EBF1: variants seen among roughly 807,000 people sequenced by gnomAD.
The protein encoded by EBF1 is EBF transcription factor 1.
A neutral mutation model predicts 68.4 loss-of-function variants in EBF1; 10 were observed. That is an observed-to-expected ratio of 0.15 (90% confidence interval 0.09 to 0.25). EBF1 has a LOEUF of 0.25. Ranked by LOEUF, EBF1 falls within the 10% of genes least tolerant of loss-of-function variation. The pLI is 1.00. For synonymous variants in EBF1, 298 were observed against 299.8 expected, an observed-to-expected ratio of 0.99 and a Z score of 0.06; for missense variants, 509 against 794.4, an observed-to-expected ratio of 0.64 and a Z score of 4.32.
chr5:159,046,816 G>A (rs780166135), intron 6 of EBF1, among the ~76,000 whole-genome samples: 1 of 152,190 alleles, frequency 6.6e-6, no homozygotes, highest in Non-Finnish European at 1.5e-5. Context: ...CGGCTCTGTA[G>A]TGTTTGCCAA....
rs1756221294 is a variant in EBF1, at chr5:158,699,139, A to G, written c.1748T>C (p.Ile583Thr). The change falls in exon 16 of 16, where the codon ATA becomes ACA. Residue 583 changes from isoleucine (I) to threonine (T), a missense_variant. Coordinates refer to ENST00000313708, the MANE Select transcript of EBF1 (RefSeq NM_024007.5). ...CATAGGAGGAACAATCATGCCAGAT[A>G]TCGCTATGAAAGAAAAGACAGAAGT... is the stretch of plus-strand genomic sequence containing the variant. Reference protein sequence around the residue: ...TSTNGNSLQAISGMIVPPM With the variant: ...TSTNGNSLQATSGMIVPPM The G allele has an allele frequency of 1.2e-6, 2 of 1,608,612 alleles. No individual in the cohort carries two copies. Among genetic ancestry groups the G allele is most frequent in the Non-Finnish European group, 8.5e-7 (1 of 1,177,898 alleles).
intron 15 of EBF1, among the ~76,000 whole-genome samples, chr5:158,704,089 C>T (rs956293598): frequency 4.6e-5 from 7 of 152,158 alleles, no homozygotes; most frequent in African/African-American, 1.7e-4. Flanking sequence ...TCCTTGTTTG[C>T]TAGTTGTGTA....
At chr5:158,992,823 C>T (rs1760615880) in intron 6 of EBF1, among the ~76,000 whole-genome samples, 1 of 151,404 alleles carries the variant, frequency 6.6e-6, no homozygotes, top group African/African-American at 2.4e-5. Context: ...CATTTCACAC[C>T]AAAATTACTG....
intron 11 of EBF1, among the ~76,000 whole-genome samples, chr5:158,714,482 T>C (rs561235550): frequency 6.6e-6 from 1 of 151,920 alleles, no homozygotes; most frequent in Admixed American, 6.5e-5. Flanking sequence ...CTAGGTCATT[T>C]ACTAGATTAC....
chr5:158,765,664 C>T (rs1772503105), intron 10 of EBF1, among the ~76,000 whole-genome samples: 1 of 152,120 alleles, frequency 6.6e-6, no homozygotes, highest in South Asian at 2.1e-4. Flanking sequence ...GGAAGTCGCT[C>T]TTCTGTTGTT....
chr5:158,701,314 CATTT>C (rs1198400940), intron 15 of EBF1, among the ~76,000 whole-genome samples: 1 of 150,526 alleles, frequency 6.6e-6, no homozygotes, highest in Non-Finnish European at 1.5e-5. Flanking sequence ...GTCCAGCCAA[CATTT>C]ATTAGCTGGT....
At chr5:158,886,022 C>G (rs1799969103) in intron 6 of EBF1, among the ~76,000 whole-genome samples, 1 of 152,188 alleles carries the variant, frequency 6.6e-6, no homozygotes, top group Non-Finnish European at 1.5e-5. Flanking sequence ...AGGAAAGGAG[C>G]CTGGCCTTGC....
intron 8 of EBF1, among the ~76,000 whole-genome samples, chr5:158,808,284 A>C (rs1226691036): frequency 2.6e-5 from 4 of 152,204 alleles, no homozygotes; most frequent in African/African-American, 9.6e-5. Context: ...CTGGACATCA[A>C]AGAGCAAATA....
intron 6 of EBF1, among the ~76,000 whole-genome samples, chr5:158,931,618 G>A (rs969330464): frequency 6.6e-6 from 1 of 152,188 alleles, no homozygotes; most frequent in Non-Finnish European, 1.5e-5. Context: ...ACCTCAAAAT[G>A]CTCTAATATT....
intron 6 of EBF1, among the ~76,000 whole-genome samples, chr5:158,850,179 A>G (rs1218725281): frequency 2.6e-5 from 4 of 152,208 alleles, no homozygotes; most frequent in Non-Finnish European, 5.9e-5. Flanking sequence ...AAGGCCATAT[A>G]ACTAAAGTCT....
chr5:158,809,093 C>T (rs930036839), intron 8 of EBF1, among the ~76,000 whole-genome samples: 14 of 152,298 alleles, frequency 9.2e-5, no homozygotes, highest in Admixed American at 3.3e-4. Flanking sequence ...CTAGTCAACG[C>T]ATCCCTTGCA....
intron 6 of EBF1, among the ~76,000 whole-genome samples, chr5:158,979,913 C>T (rs1757563018): frequency 6.6e-6 from 1 of 152,192 alleles, no homozygotes; most frequent in African/African-American, 2.4e-5. Context: ...GGCCCCTTCC[C>T]TGCGTTCACT....
intron 10 of EBF1, among the ~76,000 whole-genome samples, chr5:158,739,410 G>A (rs1331140235): frequency 6.6e-6 from 1 of 152,170 alleles, no homozygotes; most frequent in African/African-American, 2.4e-5. Context: ...TGGCCGTCCA[G>A]GAGCCTTAAT....
At chr5:158,721,332 G>A (rs940504900) in intron 11 of EBF1, among the ~76,000 whole-genome samples, 4 of 152,012 alleles carry the variant, frequency 2.6e-5, no homozygotes, top group Non-Finnish European at 4.4e-5. Context: ...AAGCTAACGC[G>A]GCTATATCAA....
In EBF1 at chr5:159,090,557, C is replaced by T. The variant is rs1339329999; in HGVS notation, c.411+5063G>A. On this transcript the variant is annotated intron_variant, in intron 4 of 15. Coordinates refer to ENST00000313708, the MANE Select transcript of EBF1 (RefSeq NM_024007.5). Reference sequence around the variant, plus strand: ...AAGGAATGATATCAGATTCAGTGTGCTGTTCAGTTACATCACAGCCCTGAA... The same window carrying T: ...AAGGAATGATATCAGATTCAGTGTGTTGTTCAGTTACATCACAGCCCTGAA... 3.3e-5 allele frequency among the ~76,000 whole-genome samples: 5 copies of T among 152,252 alleles called. No homozygotes were observed. The East Asian group carries it at 7.7e-4, about 23-fold the overall frequency.
intron 6 of EBF1, among the ~76,000 whole-genome samples, chr5:158,944,944 T>C (rs1289046078): frequency 6.6e-6 from 1 of 152,268 alleles, no homozygotes; most frequent in Non-Finnish European, 1.5e-5. Context: ...TAAATTTGTT[T>C]AAGTTCCATG....
chr5:158,739,367 C>G (rs1765836210), intron 10 of EBF1, among the ~76,000 whole-genome samples: 1 of 152,250 alleles, frequency 6.6e-6, no homozygotes, highest in African/African-American at 2.4e-5. Flanking sequence ...AAAAGCTGCC[C>G]CTGTTACTGT....
At chr5:158,775,562 C>G (rs1373860926) in intron 10 of EBF1, among the ~76,000 whole-genome samples, 1 of 152,006 alleles carries the variant, frequency 6.6e-6, no homozygotes, top group African/African-American at 2.4e-5. Context: ...CGGCCAAAAA[C>G]AGAGTCCAAA....
At chr5:158,771,259 A>G (rs571334363) in intron 10 of EBF1, among the ~76,000 whole-genome samples, 7 of 152,224 alleles carry the variant, frequency 4.6e-5, no homozygotes, top group Admixed American at 6.6e-5. Flanking sequence ...TGGACCAGGT[A>G]CTCTCAGGAT....
Sources: allele counts gnomAD v4.1 joint callset (sites outside exome capture counted in the v4.1 genomes callset), GRCh38; gene constraint gnomAD v4.1.1; transcripts MANE v1.5; gene names NCBI Gene and HGNC (gene_info 2026-07-23, HGNC 2026-07-21).